Variants in LRP1B observed in about 807,000 individuals in gnomAD.
LRP1B encodes low-density lipoprotein receptor-related protein 1B.
A neutral mutation model predicts 556.6 loss-of-function variants in LRP1B; 217 were observed. That is an observed-to-expected ratio of 0.39 (90% CI 0.35 to 0.44). The LOEUF is 0.44. Ranked by LOEUF, LRP1B falls within the 20% of genes least tolerant of loss-of-function variation. The probability of loss-of-function intolerance (pLI) is 1.00; values close to 1 mark genes in which losing one functional copy is unlikely to be tolerated. For missense variants in LRP1B, 5,053 were observed against 5,620.8 expected (o/e 0.90, Z 3.23); for synonymous variants, 2,047 against 1,865.8 (o/e 1.10, Z -2.50).
At chr2:140,632,368 A>T (rs551655047) in intron 41 of LRP1B, among the ~76,000 whole-genome samples, 1 of 152,308 alleles carries the variant, frequency 6.6e-6, no homozygotes, top group African/African-American at 2.4e-5. Context: ...AGGGATGTGA[A>T]GAAGAAATAG....
Position 140,770,871 on chromosome 2 carries a change from G to T in LRP1B, c.5626+10C>A. On this transcript the variant is annotated intron_variant, in intron 34 of 90. Coordinates refer to ENST00000389484, the MANE Select transcript of LRP1B (RefSeq NM_018557.3). ...ATGAACCAGAGGTAAGGTTTTTCAT[G>T]AACTCATACCTTGACATGACATACG... The T allele has an allele frequency of 6.5e-7, 1 of 1,538,718 alleles. No homozygotes were observed. The highest frequency in any genetic ancestry group is 1.3e-5 in the South Asian group (1 of 77,774).
intron 80 of LRP1B, 71 bp downstream of exon 80, chr2:140,325,691 C>T: frequency 9.8e-7 from 1 of 1,015,486 alleles, no homozygotes; most frequent in Non-Finnish European, 1.5e-6. Context: ...AGTATCCATA[C>T]TTACATTTTT....
chr2:140,358,307 C>T (rs1158861528), intron 73 of LRP1B, among the ~76,000 whole-genome samples, 191 bp from the exon 74 acceptor site: 2 of 151,550 alleles, frequency 1.3e-5, no homozygotes, highest in Non-Finnish European at 3.0e-5. Context: ...TGTGTGTTTA[C>T]TTTAAGTAAA....
chr2:140,303,140 A>T (rs1339277380), intron 83 of LRP1B, among the ~76,000 whole-genome samples: 1 of 148,362 alleles, frequency 6.7e-6, no homozygotes, highest in Non-Finnish European at 1.5e-5. Flanking sequence ...TAGTTTATTT[A>T]TACAATTTTT....
intron 1 of LRP1B, among the ~76,000 whole-genome samples, chr2:141,970,208 AT>A (rs1176296294): frequency 2.0e-5 from 3 of 151,444 alleles, no homozygotes; most frequent in Non-Finnish European, 4.4e-5. Context: ...GCTTGCAAAT[AT>A]TTTTTCCCTG....
intron 83 of LRP1B, among the ~76,000 whole-genome samples, chr2:140,314,299 C>T (rs576030220): frequency 6.2e-4 from 94 of 152,074 alleles, no homozygotes; most frequent in African/African-American, 2.2e-3. Flanking sequence ...TCATGGGACA[C>T]ATTTTAAATT....
At chr2:141,072,389 T>C (rs907827342) in intron 7 of LRP1B, among the ~76,000 whole-genome samples, 1 of 152,098 alleles carries the variant, frequency 6.6e-6, no homozygotes, top group Non-Finnish European at 1.5e-5. Context: ...CCATAGATAT[T>C]GAAATGTCTA....
chr2:141,883,481 G>A (rs1283316444), intron 1 of LRP1B, among the ~76,000 whole-genome samples: 2 of 152,136 alleles, frequency 1.3e-5, no homozygotes, highest in African/African-American at 2.4e-5. Context: ...GCCTTCCAGA[G>A]ATTGTATTTG....
chr2:140,684,945 T>C (rs1685996960), intron 41 of LRP1B, among the ~76,000 whole-genome samples: 1 of 152,208 alleles, frequency 6.6e-6, no homozygotes, highest in Non-Finnish European at 1.5e-5. Context: ...TTTTCATCTC[T>C]ACCCCCTTAT....
chr2:142,065,576 A>G (rs1705080245), intron 1 of LRP1B, among the ~76,000 whole-genome samples: 1 of 151,412 alleles, frequency 6.6e-6, no homozygotes, highest in South Asian at 2.1e-4. Flanking sequence ...TAATTAGCAA[A>G]CATAATTCCA....
chr2:140,405,966 A>G (rs1008670868), intron 66 of LRP1B, among the ~76,000 whole-genome samples: 1 of 152,230 alleles, frequency 6.6e-6, no homozygotes, highest in Non-Finnish European at 1.5e-5. Context: ...AATCGAATCC[A>G]ATAGCACATC....
intron 1 of LRP1B, among the ~76,000 whole-genome samples, chr2:141,826,365 T>TG (rs1484804886): frequency 7.0e-6 from 1 of 142,046 alleles, no homozygotes; most frequent in Admixed American, 7.1e-5. Flanking sequence ...TTTTTTTTTT[T>TG]TTTTTTTTTT....
chr2:140,540,873 G>C (rs1680107721), intron 45 of LRP1B, 100 bp downstream of exon 45: 3 of 1,287,276 alleles, frequency 2.3e-6, no homozygotes, highest in Non-Finnish European at 3.2e-6. Flanking sequence ...TCTAATATTA[G>C]AAGAGAGTAT....
At chr2:140,419,823 C>A (rs564929142) in intron 66 of LRP1B, among the ~76,000 whole-genome samples, 1 of 152,146 alleles carries the variant, frequency 6.6e-6, no homozygotes, top group African/African-American at 2.4e-5. Flanking sequence ...TCATGGCCAA[C>A]ATGGTGAAAC....
chr2:141,349,362 C>T (rs536979884), intron 3 of LRP1B, among the ~76,000 whole-genome samples: 10 of 152,020 alleles, frequency 6.6e-5, no homozygotes, highest in African/African-American at 2.4e-4. Flanking sequence ...TCAGCTTTGT[C>T]AATTAGAGTG....
chr2:141,972,635 G>A (rs1229079014), intron 1 of LRP1B, among the ~76,000 whole-genome samples: 1 of 149,562 alleles, frequency 6.7e-6, no homozygotes, highest in East Asian at 2.0e-4. Context: ...GAAATATTTA[G>A]CCTATGAGAC....
At chr2:140,310,414 C>CA (rs10670842) in intron 83 of LRP1B, among the ~76,000 whole-genome samples, 9,570 of 124,778 alleles carry the variant, frequency 0.077, 401 homozygotes, top group East Asian at 0.17. Flanking sequence ...CATACGGAAC[C>CA]AAAAAAAAAA....
intron 32 of LRP1B, among the ~76,000 whole-genome samples, chr2:140,797,520 G>T (rs983288551): frequency 6.6e-6 from 1 of 151,806 alleles, no homozygotes; most frequent in African/African-American, 2.4e-5. Context: ...TAATAGTAAC[G>T]TTGGGTATAA....
intron 1 of LRP1B, among the ~76,000 whole-genome samples, chr2:142,052,829 T>A (rs1252270527): frequency 6.6e-6 from 1 of 152,154 alleles, no homozygotes; most frequent in Non-Finnish European, 1.5e-5. Context: ...AATACATTTG[T>A]TGATGAGAAT....
Sources: gnomAD v4.1 joint callset for allele counts (sites outside exome capture counted in the v4.1 genomes callset) on GRCh38, gnomAD v4.1.1 for gene constraint, MANE v1.5 for transcripts, NCBI Gene and HGNC (gene_info 2026-07-23, HGNC 2026-07-21) for gene names.